The following NFIC variants were observed in gnomAD, a reference collection of about 807,000 sequenced individuals.
NFIC encodes nuclear factor I C, also known as nuclear factor 1 C-type.
Under a neutral mutation model 54.4 loss-of-function variants are expected in NFIC, and 12 were observed. That is an observed-to-expected ratio of 0.22 (90% CI 0.14 to 0.36). The LOEUF (loss-of-function observed/expected upper bound fraction) is 0.36. NFIC is among the 10% of genes least tolerant of loss of function. The pLI is 1.00. For missense variants in NFIC, 575 were observed against 718.2 expected (o/e 0.80, Z 2.28); for synonymous variants, 322 against 319.2 (o/e 1.01, Z -0.09).
At position 3,453,622 on chromosome 19, in the gene NFIC, C is replaced by A; in HGVS notation, c.1270-141C>A. 8.3e-7 allele frequency: 1 copy of A among 1,202,126 alleles called. No homozygotes were observed. The highest frequency in any genetic ancestry group is 1.1e-6 in the Non-Finnish European group (1 of 892,554). The allele number at this position is 1,202,126 out of a possible 1,614,324, so 74.5% of individuals were successfully genotyped here. ...CCGGCCGTCCTCAGACCCACCAAAC[C>A]CGCCATGGTCACACCCGCGCCCTGG... On this transcript the variant is annotated intron_variant, in intron 8 of 10. Transcript: ENST00000443272. The surrounding 1 kb of genome is among the most constrained non-coding windows in gnomAD (Gnocchi z 6.7).
chr19:3,442,379 C>CG (rs2082307485), intron 6 of NFIC, among the ~76,000 whole-genome samples: 1 of 128,198 alleles, frequency 7.8e-6, no homozygotes, highest in Non-Finnish European at 1.7e-5. Flanking sequence ...GCTTCCCATC[C>CG]CTTTTTTTTT....
chr19:3,398,572 G>A (rs1367938918), intron 2 of NFIC, among the ~76,000 whole-genome samples: 1 of 152,134 alleles, frequency 6.6e-6, no homozygotes, highest in Non-Finnish European at 1.5e-5. Context: ...CTGGGAGGGG[G>A]TTGTGCTGTC....
intron 1 of NFIC, among the ~76,000 whole-genome samples, chr19:3,379,256 C>T (rs866790098): frequency 6.6e-6 from 1 of 152,040 alleles, no homozygotes; most frequent in Non-Finnish European, 1.5e-5. Flanking sequence ...GACAGAGTTT[C>T]ACCATGTTAG....
chr19:3,382,398 G>A (rs1245885647), intron 2 of NFIC, among the ~76,000 whole-genome samples, 155 bp downstream of exon 2: 1 of 151,740 alleles, frequency 6.6e-6, no homozygotes, highest in Non-Finnish European at 1.5e-5. Context: ...CCCAATGGGG[G>A]CGACACGGGG....
chr19:3,441,690 G>A (rs1224639676), intron 6 of NFIC, among the ~76,000 whole-genome samples: 1 of 152,182 alleles, frequency 6.6e-6, no homozygotes, highest in Non-Finnish European at 1.5e-5. Flanking sequence ...GGGGCCGGGG[G>A]CACAGGAAGG....
rs2081624794 is a variant in NFIC at position 3,405,079 on chromosome 19, G to A, written c.563-20027G>A. 2.6e-5 allele frequency among the ~76,000 whole-genome samples: 4 copies of A among 152,258 alleles called. No individual in the cohort carries two copies. The South Asian group carries it at 8.3e-4, about 31-fold the overall frequency. ...AGGCCATGGAGCCGGCGGGGGCCGG[G>A]TGGAAAGAAAAAAGAAACTTTTCTT... On this transcript the variant is annotated intron_variant, in intron 2 of 10. Transcript: ENST00000443272.
intron 2 of NFIC, among the ~76,000 whole-genome samples, chr19:3,390,745 A>C (rs2081363808): frequency 1.3e-5 from 2 of 152,068 alleles, no homozygotes; most frequent in Admixed American, 1.3e-4. Flanking sequence ...AGGATGTCAC[A>C]CTCAGTAAAA....
At chr19:3,406,387 CCCTG>C (rs1219504542) in intron 2 of NFIC, among the ~76,000 whole-genome samples, 1 of 89,258 alleles carries the variant, frequency 1.1e-5, no homozygotes, top group Non-Finnish European at 2.3e-5. Flanking sequence ...AGCCACCGTG[CCCTG>C]CCTATTTTTT....
At chr19:3,392,397 A>G (rs1305905566) in intron 2 of NFIC, among the ~76,000 whole-genome samples, 1 of 152,072 alleles carries the variant, frequency 6.6e-6, no homozygotes, top group African/African-American at 2.4e-5. Context: ...CTATGAAAAA[A>G]CTAACCCTTT....
intron 1 of NFIC, among the ~76,000 whole-genome samples, chr19:3,377,045 TA>T (rs577841824): frequency 1.0e-4 from 14 of 138,534 alleles, no homozygotes; most frequent in Non-Finnish European, 9.4e-5. Flanking sequence ...CCCCATCTCT[TA>T]AAAAAAAAAG....
chr19:3,464,067 G>A lies in NFIC; in HGVS notation c.*1298G>A. 1 of 985,002 alleles carries A rather than the reference G, an allele frequency of 1.0e-6. No individual in the cohort carries two copies. Among genetic ancestry groups the A allele is most frequent in the East Asian group, 1.2e-4 (1 of 8,672 alleles). 61.0% of individuals were successfully genotyped at this position (985,002 alleles called of 1,614,324 possible). A position where few individuals can be genotyped will look rare whatever the true frequency, so the allele number is the denominator to read the frequency against. ...GGGCGCGGGGGTGGGCTCTGGGGAA[G>A]CCGGTGCGCCCCCCACGCCTCCGCT... On this transcript the variant is annotated 3_prime_UTR_variant, in exon 11 of 11. Coordinates refer to ENST00000443272, the MANE Select transcript of NFIC (RefSeq NM_001245002.2).
intron 2 of NFIC, among the ~76,000 whole-genome samples, chr19:3,412,334 A>G (rs1438488911): frequency 1.3e-5 from 2 of 152,082 alleles, no homozygotes; most frequent in Non-Finnish European, 1.5e-5. Context: ...TGCAGACTCA[A>G]ACTCCTGGAT....
intron 1 of NFIC, among the ~76,000 whole-genome samples, chr19:3,378,431 G>T (rs1004003405): frequency 3.3e-5 from 5 of 152,182 alleles, no homozygotes; most frequent in African/African-American, 4.8e-5. Context: ...AGTTTCCCTT[G>T]CTGGAAAATG....
At chr19:3,419,068 G>A (rs1317123581) in intron 2 of NFIC, among the ~76,000 whole-genome samples, 1 of 151,994 alleles carries the variant, frequency 6.6e-6, no homozygotes, top group Non-Finnish European at 1.5e-5. Context: ...AGGGGGTGTC[G>A]GAGGCTGGGG....
intron 6 of NFIC, among the ~76,000 whole-genome samples, chr19:3,447,604 A>G (rs1406992320): frequency 1.3e-5 from 2 of 152,356 alleles, no homozygotes; most frequent in African/African-American, 4.8e-5. Context: ...GGGATCTGGG[A>G]CGGCCATGGG....
intron 2 of NFIC, among the ~76,000 whole-genome samples, chr19:3,401,927 G>A (rs1175350821): frequency 3.3e-5 from 5 of 151,970 alleles, no homozygotes; most frequent in African/African-American, 1.2e-4. Context: ...GCACCATGTT[G>A]GCCAGGCTGG....
At position 3,435,224 on chromosome 19, in the gene NFIC, G is replaced by A. The variant is rs1351976307; in HGVS notation, c.958+17G>A. 6.4e-7 allele frequency: 1 copy of A among 1,558,900 alleles called. No homozygotes were observed. The highest frequency in any genetic ancestry group is 8.7e-7 in the Non-Finnish European group (1 of 1,146,064). On this transcript the variant is annotated intron_variant, in intron 6 of 10. Coordinates refer to ENST00000443272, the MANE Select transcript of NFIC (RefSeq NM_001245002.2). ...TGGAAGGAGGTAGGGCTGGTGGCGG[G>A]GGCGGAGCCGGCCTTCCGGTCTGAG...
chr19:3,388,661 C>CCA (rs1555743243), intron 2 of NFIC, among the ~76,000 whole-genome samples: 7 of 151,856 alleles, frequency 4.6e-5, no homozygotes, highest in Non-Finnish European at 4.4e-5. Flanking sequence ...TGCCCCCCCC[C>CCA]AACAAAATTT....
At chr19:3,416,874 G>A (rs1391824416) in intron 2 of NFIC, among the ~76,000 whole-genome samples, 1 of 137,474 alleles carries the variant, frequency 7.3e-6, no homozygotes, top group Non-Finnish European at 1.5e-5. Flanking sequence ...GCTCACGCCT[G>A]TAATCCCAGT....
Sources: gnomAD v4.1 joint callset for allele counts (sites outside exome capture counted in the v4.1 genomes callset) on GRCh38, gnomAD v4.1.1 for gene constraint, Gnocchi (gnomAD v3.1) non-coding constraint, MANE v1.5 for transcripts, NCBI Gene and HGNC (gene_info 2026-07-23, HGNC 2026-07-21) for gene names.